ERC1: variants seen among roughly 807,000 people sequenced by gnomAD.
The protein encoded by ERC1 is RAB6 interacting protein 2.
In ERC1, 56 loss-of-function variants were observed where a neutral mutation model predicts 132.0. That is an observed-to-expected ratio of 0.42 (90% CI 0.34 to 0.53). The LOEUF (loss-of-function observed/expected upper bound fraction) is 0.53, where lower values mean the gene tolerates loss of function less well. ERC1 is among the 20% of genes least tolerant of loss of function. The pLI is 0.03. For missense variants in ERC1, 1,202 were observed against 1,349.9 expected, an observed-to-expected ratio of 0.89 and a Z score of 1.72; for synonymous variants, 478 against 476.1, an observed-to-expected ratio of 1.00 and a Z score of -0.05.
intron 18 of ERC1, among the ~76,000 whole-genome samples, chr12:1,463,801 T>G (rs1279615829): frequency 6.6e-6 from 1 of 151,740 alleles, no homozygotes. Context: ...AGTCTGGCAC[T>G]TTCTTCTTCT....
intron 2 of ERC1, among the ~76,000 whole-genome samples, chr12:1,034,022 T>A (rs1467183870): frequency 6.6e-6 from 1 of 152,246 alleles, no homozygotes; most frequent in Admixed American, 6.5e-5. Flanking sequence ...AGTATCAATA[T>A]AACCTAGGTC....
intron 12 of ERC1, among the ~76,000 whole-genome samples, chr12:1,198,316 G>A (rs956960723): frequency 4.6e-5 from 7 of 152,142 alleles, no homozygotes; most frequent in African/African-American, 1.7e-4. Flanking sequence ...TGGTTGGAAG[G>A]CTAATAAGTA....
chr12:1,164,304 T>TTTG (rs1178268248), intron 8 of ERC1, among the ~76,000 whole-genome samples: 1 of 138,056 alleles, frequency 7.2e-6, no homozygotes, highest in African/African-American at 2.7e-5. Flanking sequence ...GTTATTTTAT[T>TTTG]TTATGTTATT....
chr12:1,387,182 C>T (rs1287123372), intron 16 of ERC1, among the ~76,000 whole-genome samples: 3 of 151,828 alleles, frequency 2.0e-5, no homozygotes, highest in African/African-American at 4.9e-5. Context: ...TACTTAGTCT[C>T]CCTCATACCC....
chr12:1,005,746 TTTG>T (rs1338476466), intron 1 of ERC1, among the ~76,000 whole-genome samples: 1 of 152,104 alleles, frequency 6.6e-6, no homozygotes, highest in Non-Finnish European at 1.5e-5. Flanking sequence ...GCATAAATTA[TTTG>T]TTAAGTTTGA....
At chr12:1,360,361 A>G (rs548429661) in intron 15 of ERC1, among the ~76,000 whole-genome samples, 217 of 152,354 alleles carry the variant, frequency 1.4e-3, no homozygotes, top group Non-Finnish European at 2.6e-3. Context: ...TTAGGATCCA[A>G]TAGAGTCGCA....
At chr12:1,396,475 A>G (rs2090552307) in intron 16 of ERC1, among the ~76,000 whole-genome samples, 2 of 152,250 alleles carry the variant, frequency 1.3e-5, no homozygotes, top group Admixed American at 6.5e-5. Flanking sequence ...TGATAGAAAG[A>G]TGAATGAGAC....
chr12:1,272,615 T>C (rs2077940833), intron 14 of ERC1, among the ~76,000 whole-genome samples: 1 of 152,176 alleles, frequency 6.6e-6, no homozygotes, highest in Non-Finnish European at 1.5e-5. Flanking sequence ...TCTTAATCTG[T>C]ACATTATTTC....
chr12:1,132,102 C>T (rs1948820965), intron 7 of ERC1, among the ~76,000 whole-genome samples: 1 of 152,120 alleles, frequency 6.6e-6, no homozygotes, highest in Non-Finnish European at 1.5e-5. Context: ...AAATTTAGTT[C>T]ACTCCAAACC....
chr12:1,061,971 T>C (rs1428090105), intron 2 of ERC1, among the ~76,000 whole-genome samples: 2 of 151,224 alleles, frequency 1.3e-5, no homozygotes, highest in Non-Finnish European at 2.9e-5. Context: ...ATGTTGTGTT[T>C]TTTTTTCTTC....
chr12:1,440,310 T>A (rs2093077405), intron 17 of ERC1, among the ~76,000 whole-genome samples: 1 of 146,058 alleles, frequency 6.8e-6, no homozygotes, highest in Admixed American at 6.8e-5. Context: ...GTTCACGCCA[T>A]TCTCCTGCCT....
intron 12 of ERC1, among the ~76,000 whole-genome samples, chr12:1,210,742 TC>T (rs1957788194): frequency 6.6e-6 from 1 of 152,200 alleles, no homozygotes; most frequent in East Asian, 1.9e-4. Context: ...ACGCCTGTAA[TC>T]CCAGCATTTT....
chr12:1,386,255 T>A (rs2089332431), intron 16 of ERC1, among the ~76,000 whole-genome samples: 1 of 148,330 alleles, frequency 6.7e-6, no homozygotes, highest in African/African-American at 2.5e-5. Flanking sequence ...GCCAGGCTGG[T>A]CTCGAACTCC....
intron 8 of ERC1, among the ~76,000 whole-genome samples, chr12:1,153,574 T>C (rs1386125983): frequency 1.3e-5 from 2 of 152,234 alleles, no homozygotes; most frequent in African/African-American, 2.4e-5. Context: ...TGACATATGA[T>C]TGGTACTTAA....
At chr12:1,203,344 C>T (rs1380912866) in intron 12 of ERC1, among the ~76,000 whole-genome samples, 1 of 152,220 alleles carries the variant, frequency 6.6e-6, no homozygotes, top group Non-Finnish European at 1.5e-5. Context: ...AGGCGTGAGC[C>T]ACTGCGCCTG....
intron 2 of ERC1, among the ~76,000 whole-genome samples, chr12:1,068,151 C>T (rs897400149): frequency 3.3e-5 from 5 of 151,884 alleles, no homozygotes; most frequent in African/African-American, 7.3e-5. Context: ...AGGCTGGTCT[C>T]GAACTCCTGA....
chr12:1,178,951 G>C (rs1954055188), intron 8 of ERC1, among the ~76,000 whole-genome samples: 1 of 152,160 alleles, frequency 6.6e-6, no homozygotes, highest in Non-Finnish European at 1.5e-5. Context: ...TTGAACTCCT[G>C]TGTATATAGT....
At chr12:1,369,122 T>C (rs144598315) in intron 15 of ERC1, among the ~76,000 whole-genome samples, 1 of 152,362 alleles carries the variant, frequency 6.6e-6, no homozygotes, top group East Asian at 1.9e-4. Flanking sequence ...CTTCAAATTA[T>C]ATATCTTGTT....
intron 2 of ERC1, among the ~76,000 whole-genome samples, chr12:1,074,144 G>A (rs1279126758): frequency 2.0e-5 from 3 of 151,982 alleles, no homozygotes; most frequent in Non-Finnish European, 2.9e-5. Context: ...TTACAGGTGT[G>A]AGCCACCATG....
Sources: gnomAD v4.1 joint callset for allele counts (sites outside exome capture counted in the v4.1 genomes callset) on GRCh38, gnomAD v4.1.1 for gene constraint, MANE v1.5 for transcripts, NCBI Gene and HGNC (gene_info 2026-07-23, HGNC 2026-07-21) for gene names.